DCAF8: variants seen among roughly 807,000 people sequenced by gnomAD.
DCAF8 encodes DDB1- and CUL4-associated factor 8.
In DCAF8, 20 loss-of-function variants were observed where a neutral mutation model predicts 68.0. That is an observed-to-expected ratio of 0.29 (90% CI 0.21 to 0.43). DCAF8 has a LOEUF of 0.43. DCAF8 is among the 20% of genes least tolerant of loss of function. The pLI is 1.00. For missense variants in DCAF8, 460 were observed against 771.0 expected, an observed-to-expected ratio of 0.60 and a Z score of 4.78; for synonymous variants, 230 against 276.9, an observed-to-expected ratio of 0.83 and a Z score of 1.68.
intron 3 of DCAF8, among the ~76,000 whole-genome samples, chr1:160,241,081 GGCAGAGCTT>G (rs1656097760): frequency 6.6e-6 from 1 of 152,302 alleles, no homozygotes; most frequent in Admixed American, 6.5e-5. Context: ...GAACCCAGGA[GGCAGAGCTT>G]GCAGTGAGCC....
In DCAF8 at chr1:160,231,290, A is replaced by C. The variant is rs1330672823; in HGVS notation, c.1070+7T>G. 3.1e-6 allele frequency: 5 copies of C among 1,607,276 alleles called. No homozygotes were observed. The highest frequency in any genetic ancestry group is 4.3e-6 in the Non-Finnish European group (5 of 1,173,996). Reference sequence around the variant, plus strand: ...CTGTCAAAGACACAAAAGAGCCACAAACTCACCTTACAAACTGATCTCGTC... The same window carrying C: ...CTGTCAAAGACACAAAAGAGCCACACACTCACCTTACAAACTGATCTCGTC... On this transcript the variant is annotated splice_region_variant and intron_variant, in intron 7 of 13. Transcript: ENST00000368074.
chr1:160,258,227 G>A (rs1386541945), intron 2 of DCAF8, among the ~76,000 whole-genome samples: 1 of 152,124 alleles, frequency 6.6e-6, no homozygotes. Context: ...TGCACCTGTA[G>A]TCCCAGCTAC....
intron 6 of DCAF8, among the ~76,000 whole-genome samples, chr1:160,233,230 T>C (rs944170481): frequency 6.6e-6 from 1 of 152,148 alleles, no homozygotes; most frequent in Non-Finnish European, 1.5e-5. Context: ...AGATTTTACT[T>C]AGTATCTCTG....
chr1:160,248,485 C>T (rs1377812510), intron 2 of DCAF8, among the ~76,000 whole-genome samples: 1 of 152,134 alleles, frequency 6.6e-6, no homozygotes, highest in African/African-American at 2.4e-5. Context: ...CCTGTAATCC[C>T]ATCACTTTGG....
At chr1:160,250,235 G>A (rs1030305986) in intron 2 of DCAF8, among the ~76,000 whole-genome samples, 4 of 152,232 alleles carry the variant, frequency 2.6e-5, no homozygotes, top group East Asian at 1.9e-4. Context: ...AGGCCAAGGC[G>A]GGCAGATCAC....
At chr1:160,243,750 T>C (rs1263591158) in intron 3 of DCAF8, among the ~76,000 whole-genome samples, 1 of 152,228 alleles carries the variant, frequency 6.6e-6, no homozygotes, top group Non-Finnish European at 1.5e-5. Flanking sequence ...ACAGCTCTGT[T>C]ATTGATATTT....
At chr1:160,218,826 A>T (rs774947300) in intron 12 of DCAF8, 23 bp downstream of exon 12, 3 of 1,613,640 alleles carry the variant, frequency 1.9e-6, no homozygotes, top group Admixed American at 3.3e-5. Context: ...GAAAGAAAAT[A>T]ACTTCTGCAG....
chr1:160,257,041 A>C (rs1476372734), intron 2 of DCAF8, among the ~76,000 whole-genome samples: 1 of 152,224 alleles, frequency 6.6e-6, no homozygotes, highest in Non-Finnish European at 1.5e-5. Flanking sequence ...TCCTTTTCTG[A>C]CTGATTTTAA....
intron 2 of DCAF8, among the ~76,000 whole-genome samples, chr1:160,244,395 T>C: frequency 6.6e-6 from 1 of 152,158 alleles, no homozygotes; most frequent in East Asian, 1.9e-4. Context: ...ACTCAATACA[T>C]AAAGCTAACT....
At chr1:160,250,842 T>C (rs1338545308) in intron 2 of DCAF8, among the ~76,000 whole-genome samples, 1 of 152,250 alleles carries the variant, frequency 6.6e-6, no homozygotes, top group East Asian at 1.9e-4. Context: ...TGTATGTTTA[T>C]GCTCTTTATT....
intron 6 of DCAF8, among the ~76,000 whole-genome samples, chr1:160,231,756 CTACA>C (rs1200823903): frequency 1.3e-5 from 2 of 152,194 alleles, no homozygotes; most frequent in Non-Finnish European, 2.9e-5. Flanking sequence ...TCAGACAATA[CTACA>C]GATACCTTCC....
chr1:160,229,043 T>C (rs768282193), intron 7 of DCAF8, among the ~76,000 whole-genome samples: 2 of 152,024 alleles, frequency 1.3e-5, no homozygotes, highest in African/African-American at 4.8e-5. Context: ...CTCACGACTG[T>C]AATCCCAGCA....
At position 160,217,529 on chromosome 1, in the gene DCAF8, G is replaced by T; in HGVS notation, c.*63C>A. 2.4e-6 allele frequency: 3 copies of T among 1,265,816 alleles called. No individual in the cohort carries two copies. The highest frequency in any genetic ancestry group is 3.4e-6 in the Non-Finnish European group (3 of 884,582). The allele number at this position is 1,265,816 out of a possible 1,614,324, so 78.4% of individuals were successfully genotyped here. A position where few individuals can be genotyped will look rare whatever the true frequency, so the allele number is the denominator to read the frequency against. ...CTGCTGAATGTAGGGCCTGGGACAG[G>T]AAAGGGTTGCCCAGGCAGGATCAGG... On this transcript the variant is annotated 3_prime_UTR_variant, in exon 14 of 14. Transcript: ENST00000368074.
rs1571082438 is a variant in DCAF8 at position 160,225,453 on chromosome 1, G to GT, written c.1143+137dup. On this transcript the variant is annotated intron_variant, in intron 8 of 13. Transcript: ENST00000368074. ...AGTGACTGCCAAGATCACAAAGCTG[G>GT]TAAGTGGTAAAGCCAGGATTCAAAT... The GT allele has an allele frequency of 4.5e-6, 3 of 670,214 alleles. No homozygotes were observed. The East Asian group carries it at 8.1e-5, about 18-fold the overall frequency. The allele number at this position is 670,214 out of a possible 1,614,324, so 41.5% of individuals were successfully genotyped here. A position where few individuals can be genotyped will look rare whatever the true frequency, so the allele number is the denominator to read the frequency against.
chr1:160,234,650 A>G (rs1655807864), intron 6 of DCAF8, among the ~76,000 whole-genome samples: 1 of 152,198 alleles, frequency 6.6e-6, no homozygotes. Flanking sequence ...TATTAAATAA[A>G]CTTACTATCA....
rs990597378 is a variant in DCAF8 at position 160,216,485 on chromosome 1, G to A, written c.*1107C>T. 1.3e-5 allele frequency: 2 copies of A among 152,500 alleles called. No individual in the cohort carries two copies. Among genetic ancestry groups the A allele is most frequent in the Non-Finnish European group, 2.9e-5 (2 of 68,036 alleles). The allele number at this position is 152,500 out of a possible 1,614,324, so 9.4% of individuals were successfully genotyped here. On this transcript the variant is annotated 3_prime_UTR_variant, in exon 14 of 14. Coordinates refer to ENST00000368074, the MANE Select transcript of DCAF8 (RefSeq NM_015726.4). ...GGTAGGAGATCTGAGGCAGAGCTGA[G>A]AGGAATTTCCTGTTTTTCCCAACCC...
intron 9 of DCAF8, among the ~76,000 whole-genome samples, 181 bp from the exon 10 acceptor site, chr1:160,224,730 C>T (rs1655410378): frequency 6.6e-6 from 1 of 152,190 alleles, no homozygotes; most frequent in South Asian, 2.1e-4. Flanking sequence ...AACACACTGC[C>T]AACCCAGGGG....
At position 160,231,251 on chromosome 1, in the gene DCAF8, A is replaced by C. The variant is rs201972727; in HGVS notation, c.1070+46T>G. The C allele has an allele frequency of 1.5e-5, 19 of 1,310,032 alleles. No individual in the cohort carries two copies. In the Middle Eastern group the frequency reaches 5.5e-4, roughly 38 times the overall value. 81.2% of individuals were successfully genotyped at this position (1,310,032 alleles called of 1,614,324 possible). A position where few individuals can be genotyped will look rare whatever the true frequency, so the allele number is the denominator to read the frequency against. ...AGGAGCACCTGGTAGTATACAATGC[A>C]TCAGTCTTACAAACTGTCAAAGACA... is the stretch of plus-strand genomic sequence containing the variant. On this transcript the variant is annotated intron_variant, in intron 7 of 13. Coordinates refer to ENST00000368074, the MANE Select transcript of DCAF8 (RefSeq NM_015726.4).
intron 2 of DCAF8, among the ~76,000 whole-genome samples, chr1:160,251,519 C>A (rs1656593127): frequency 6.6e-6 from 1 of 152,040 alleles, no homozygotes; most frequent in Admixed American, 6.6e-5. Context: ...GTTGTCCAGG[C>A]TGGAATTCAG....
Sources: gnomAD v4.1 joint callset for allele counts (sites outside exome capture counted in the v4.1 genomes callset) on GRCh38, gnomAD v4.1.1 for gene constraint, MANE v1.5 for transcripts, NCBI Gene and HGNC (gene_info 2026-07-23, HGNC 2026-07-21) for gene names.